CCDC13: variants seen among roughly 807,000 people sequenced by gnomAD.
The protein encoded by CCDC13 is coiled-coil domain containing 13.
A neutral mutation model predicts 87.3 loss-of-function variants in CCDC13; 70 were observed. The observed-to-expected ratio is 0.80, with a 90% CI of 0.66 to 0.98. The LOEUF (loss-of-function observed/expected upper bound fraction) is 0.98, where lower values mean the gene tolerates loss of function less well. CCDC13 is among the 50% of genes least tolerant of loss of function. The probability of loss-of-function intolerance (pLI) is 0.00; values close to 1 mark genes in which losing one functional copy is unlikely to be tolerated. For missense variants in CCDC13, 842 were observed against 892.0 expected (o/e 0.94, Z 0.71); for synonymous variants, 317 against 360.3 (o/e 0.88, Z 1.36).
intron 1 of CCDC13, among the ~76,000 whole-genome samples, chr3:42,772,200 G>A (rs1388649170): frequency 1.3e-5 from 2 of 149,572 alleles, no homozygotes; most frequent in African/African-American, 4.9e-5. Flanking sequence ...AACCTGGGAG[G>A]CAGAGGTTGC....
chr3:42,766,016 A>C (rs1699925117), intron 1 of CCDC13, among the ~76,000 whole-genome samples: 1 of 152,184 alleles, frequency 6.6e-6, no homozygotes, highest in African/African-American at 2.4e-5. Flanking sequence ...CTGGGAAGCC[A>C]TGTGGGCCTA....
At chr3:42,748,778 C>A (rs776976087) in intron 5 of CCDC13, among the ~76,000 whole-genome samples, 4 of 152,292 alleles carry the variant, frequency 2.6e-5, no homozygotes, top group Admixed American at 6.5e-5. Context: ...GAACAGCCAA[C>A]GTGAACAGAA....
At chr3:42,756,698 G>A (rs1699711418) in intron 3 of CCDC13, among the ~76,000 whole-genome samples, 3 of 151,704 alleles carry the variant, frequency 2.0e-5, no homozygotes, top group Non-Finnish European at 4.4e-5. Flanking sequence ...AACATAACAT[G>A]TGAGCCAGTG....
At chr3:42,752,249 A>C (rs1699603600) in intron 4 of CCDC13, among the ~76,000 whole-genome samples, 1 of 152,188 alleles carries the variant, frequency 6.6e-6, no homozygotes, top group Non-Finnish European at 1.5e-5. Context: ...AAAGTAGCCC[A>C]AGGGTTTACT....
intron 13 of CCDC13, among the ~76,000 whole-genome samples, chr3:42,717,692 GTAGGT>G (rs1363263383): frequency 6.6e-6 from 1 of 152,212 alleles, no homozygotes; most frequent in Non-Finnish European, 1.5e-5. Context: ...CACAGTTTCT[GTAGGT>G]TAGAAGTCCA....
At position 42,707,701 on chromosome 3, in the gene CCDC13, CAT is replaced by C. The variant is rs1028921991; in HGVS notation, c.*1277_*1278del. Among the ~76,000 whole-genome samples the C allele has an allele frequency of 2.6e-5, 4 of 152,254 alleles. No homozygotes were observed. Among genetic ancestry groups the C allele is most frequent in the Middle Eastern group, 3.2e-3 (1 of 316 alleles). On this transcript the variant is annotated 3_prime_UTR_variant, in exon 16 of 16. Transcript: ENST00000310232. ...GTGTGGGAATGTGTGTCCACATCCA[CAT>C]GTGTGTGCTCATCTGCACCTGTGTG...
At chr3:42,763,624 C>T (rs1699877589) in intron 1 of CCDC13, among the ~76,000 whole-genome samples, 1 of 152,014 alleles carries the variant, frequency 6.6e-6, no homozygotes, top group South Asian at 2.1e-4. Flanking sequence ...CCTGCCTCAG[C>T]CTTCTGAGTT....
intron 10 of CCDC13, among the ~76,000 whole-genome samples, chr3:42,734,907 C>A (rs1245450914): frequency 2.6e-5 from 4 of 152,252 alleles, no homozygotes; most frequent in Non-Finnish European, 5.9e-5. Flanking sequence ...CAAGCTCATG[C>A]CTTAGACAAG....
chr3:42,711,705 A>G (rs1283520111), intron 14 of CCDC13, among the ~76,000 whole-genome samples: 2 of 151,918 alleles, frequency 1.3e-5, no homozygotes, highest in African/African-American at 4.8e-5. Flanking sequence ...GCCATGGGGG[A>G]CTGAATTATA....
At chr3:42,761,732 C>T (rs528048929) in intron 1 of CCDC13, among the ~76,000 whole-genome samples, 27 of 152,292 alleles carry the variant, frequency 1.8e-4, no homozygotes, top group African/African-American at 4.6e-4. Flanking sequence ...TGGCATTAAG[C>T]GCTTTGGATT....
At chr3:42,755,372 T>C (rs1005288017) in intron 3 of CCDC13, among the ~76,000 whole-genome samples, 2 of 151,804 alleles carry the variant, frequency 1.3e-5, no homozygotes, top group Non-Finnish European at 2.9e-5. Context: ...ACTTTGGGAG[T>C]CCGAGGCGGG....
At chr3:42,734,979 T>C (rs2125885508) in intron 10 of CCDC13, among the ~76,000 whole-genome samples, 1 of 152,368 alleles carries the variant, frequency 6.6e-6, no homozygotes, top group East Asian at 1.9e-4. Context: ...CCACGGTCTG[T>C]GCTCCCTTAC....
At chr3:42,759,886 A>C (rs1350781890) in intron 1 of CCDC13, among the ~76,000 whole-genome samples, 1 of 152,234 alleles carries the variant, frequency 6.6e-6, no homozygotes, top group Admixed American at 6.5e-5. Flanking sequence ...ACTGTTTGCC[A>C]GAGTGGTTGT....
At position 42,707,685 on chromosome 3, in the gene CCDC13, T is replaced by C. The variant is rs1477023433; in HGVS notation, c.*1295A>G. ...GTGGCTATGTCTTCACGTGTGGGAA[T>C]GTGTGTCCACATCCACATGTGTGTG... is the stretch of plus-strand genomic sequence containing the variant. On this transcript the variant is annotated 3_prime_UTR_variant, in exon 16 of 16. Coordinates refer to ENST00000310232, the MANE Select transcript of CCDC13 (RefSeq NM_144719.4). 1.3e-5 allele frequency among the ~76,000 whole-genome samples: 2 copies of C among 152,244 alleles called. No individual in the cohort carries two copies. The highest frequency in any genetic ancestry group is 3.9e-4 in the East Asian group (2 of 5,188).
chr3:42,752,063 C>T (rs893654100), intron 4 of CCDC13, 38 bp from the exon 5 acceptor site: 11 of 1,559,462 alleles, frequency 7.1e-6, no homozygotes, highest in African/African-American at 4.0e-5. Flanking sequence ...CTCTGCTCAG[C>T]GATTGTGCAG....
At chr3:42,758,820 G>A (rs1699766859) in intron 1 of CCDC13, among the ~76,000 whole-genome samples, 1 of 151,888 alleles carries the variant, frequency 6.6e-6, no homozygotes, top group Non-Finnish European at 1.5e-5. Flanking sequence ...TGACCATACG[G>A]CTCAGTGAAT....
chr3:42,721,050 T>C (rs1698548990), intron 13 of CCDC13, among the ~76,000 whole-genome samples: 1 of 152,242 alleles, frequency 6.6e-6, no homozygotes, highest in South Asian at 2.1e-4. Flanking sequence ...CATTGTCAAA[T>C]ATGAAATAGT....
At chr3:42,755,788 G>A (rs1699689785) in intron 3 of CCDC13, among the ~76,000 whole-genome samples, 1 of 152,190 alleles carries the variant, frequency 6.6e-6, no homozygotes, top group Admixed American at 6.5e-5. Context: ...GCTTGCAAGA[G>A]ACAGTTAACA....
chr3:42,754,441 G>A (rs1380853295), intron 3 of CCDC13, among the ~76,000 whole-genome samples: 2 of 152,192 alleles, frequency 1.3e-5, no homozygotes, highest in African/African-American at 4.8e-5. Context: ...TAGGTTGTGT[G>A]TCAGGAGGGT....
Sources: allele counts gnomAD v4.1 joint callset (sites outside exome capture counted in the v4.1 genomes callset), GRCh38; gene constraint gnomAD v4.1.1; transcripts MANE v1.5; gene names NCBI Gene and HGNC (gene_info 2026-07-23, HGNC 2026-07-21).